Variants in PDE11A observed in about 807,000 individuals in gnomAD.
The protein encoded by PDE11A is phosphodiesterase 11A.
PDE11A carries 100 observed loss-of-function variants against 100.5 expected under a neutral mutation model. The ratio of observed to expected loss-of-function variants is 1.00; its 90% confidence interval spans 0.85 to 1.18. The LOEUF (loss-of-function observed/expected upper bound fraction) is 1.18, where lower values mean the gene tolerates loss of function less well. Ranked by LOEUF, PDE11A falls within the 50% of genes most tolerant of loss-of-function variation. The probability of loss-of-function intolerance (pLI) is 0.00; values close to 1 mark genes in which losing one functional copy is unlikely to be tolerated. For missense variants in PDE11A, 1,141 were observed against 1,152.6 expected, an observed-to-expected ratio of 0.99 and a Z score of 0.15; for synonymous variants, 381 against 420.8, an observed-to-expected ratio of 0.91 and a Z score of 1.16.
intron 2 of PDE11A, chr2:177,926,957 T>G (rs1345914817): frequency 6.6e-6 from 1 of 152,156 alleles, no homozygotes; most frequent in African/African-American, 2.4e-5. Context: ...CCTGCTGAGA[T>G]CTCCTCTTCT....
chr2:178,104,528 T>C lies in PDE11A; in HGVS notation c.-13-52A>G. On this transcript the variant is annotated intron_variant, in intron 1 of 20. Transcript: ENST00000358450. ...CCAAAAAAATATATATATTAGATTTTCAAAGCCGGGGAGAAAAAAGAATTC... is the reference window on the plus strand; with the variant it reads ...CCAAAAAAATATATATATTAGATTTCCAAAGCCGGGGAGAAAAAAGAATTC... 27 of 1,478,646 alleles carry C rather than the reference T, an allele frequency of 1.8e-5. No individual in the cohort carries two copies. The South Asian group carries it at 3.0e-4, about 16-fold the overall frequency. The allele number at this position is 1,478,646 out of a possible 1,614,324, so 91.6% of individuals were successfully genotyped here.
intron 13 of PDE11A, chr2:177,702,885 T>C (rs564393868): frequency 7.9e-5 from 12 of 152,220 alleles, no homozygotes; most frequent in Non-Finnish European, 1.6e-4. Context: ...TAATTTATAT[T>C]ATTTAATAAG....
At chr2:177,768,178 G>A (rs998337440) in intron 10 of PDE11A, among the ~76,000 whole-genome samples, 2 of 152,004 alleles carry the variant, frequency 1.3e-5, no homozygotes, top group African/African-American at 4.8e-5. Context: ...TCAGTGTTTG[G>A]AACAAACATC....
In PDE11A at chr2:177,728,128, A is replaced by T. The variant is rs376380066; in HGVS notation, c.1833T>A (p.Ile611=). The part of the protein sequence containing the change: ...PLVSELAIDD[I]HFDDFSLDVD... ...CGTCGAGAGAAAAGTCATCAAAATGAATGTCATCGATGGCAAGTTCTGACA... is the reference window on the plus strand; with the variant it reads ...CGTCGAGAGAAAAGTCATCAAAATGTATGTCATCGATGGCAAGTTCTGACA... Residue 611 remains isoleucine, a synonymous_variant, in exon 11 of 20, where the codon ATT becomes ATA. Transcript: ENST00000286063. The T allele has an allele frequency of 6.2e-7, 1 of 1,612,774 alleles. No homozygotes were observed. Among genetic ancestry groups the T allele is most frequent in the Non-Finnish European group, 8.5e-7 (1 of 1,179,056 alleles).
At chr2:177,768,737 T>C (rs768845697) in intron 10 of PDE11A, among the ~76,000 whole-genome samples, 4 of 152,216 alleles carry the variant, frequency 2.6e-5, no homozygotes, top group Non-Finnish European at 4.4e-5. Flanking sequence ...TAGTGAAGCA[T>C]GGTGGTTAAG....
intron 4 of PDE11A, among the ~76,000 whole-genome samples, chr2:177,896,012 C>T (rs1222965053): frequency 2.0e-5 from 3 of 151,938 alleles, no homozygotes; most frequent in South Asian, 2.1e-4. Context: ...TTGGTTTTTC[C>T]ATCAATATCA....
At chr2:177,720,059 G>T (rs2081503164) in intron 12 of PDE11A, among the ~76,000 whole-genome samples, 1 of 151,988 alleles carries the variant, frequency 6.6e-6, no homozygotes, top group Admixed American at 6.6e-5. Flanking sequence ...GATCACGGTG[G>T]TCAGAGAATT....
At chr2:178,090,686 A>G (rs1181686838) in intron 2 of PDE11A, among the ~76,000 whole-genome samples, 3 of 152,232 alleles carry the variant, frequency 2.0e-5, no homozygotes, top group African/African-American at 4.8e-5. Flanking sequence ...CCTCATGCCA[A>G]TTAGGATAGG....
chr2:178,085,954 T>G (rs1027901756), intron 2 of PDE11A, among the ~76,000 whole-genome samples: 2 of 152,232 alleles, frequency 1.3e-5, no homozygotes, highest in Admixed American at 1.3e-4. Context: ...ACCACTATCC[T>G]AGGTTTTTAA....
chr2:178,020,539 G>A (rs1574346481), intron 1 of PDE11A, among the ~76,000 whole-genome samples: 1 of 152,102 alleles, frequency 6.6e-6, no homozygotes, highest in African/African-American at 2.4e-5. Flanking sequence ...TGCCTGTAAT[G>A]CCAGCACTTT....
At chr2:178,027,172 T>C (rs547846519) in intron 1 of PDE11A, among the ~76,000 whole-genome samples, 20 of 152,276 alleles carry the variant, frequency 1.3e-4, no homozygotes, top group African/African-American at 4.8e-4. Flanking sequence ...TTATGCTCTT[T>C]AATAATTTCA....
At chr2:178,068,520 TA>T (rs551000937) in intron 1 of PDE11A, among the ~76,000 whole-genome samples, 197 of 147,354 alleles carry the variant, frequency 1.3e-3, no homozygotes, top group Middle Eastern at 7.0e-3. Context: ...TTCTGTGTGA[TA>T]AAAAAAAAAC....
intron 10 of PDE11A, among the ~76,000 whole-genome samples, chr2:177,735,623 A>G (rs2081768183): frequency 6.6e-6 from 1 of 152,194 alleles, no homozygotes; most frequent in Non-Finnish European, 1.5e-5. Flanking sequence ...AGGCACAGAC[A>G]GGGCCCCATT....
chr2:177,634,390 C>CTT (rs776055378), intron 19 of PDE11A, among the ~76,000 whole-genome samples: 12 of 146,386 alleles, frequency 8.2e-5, no homozygotes, highest in Admixed American at 4.1e-4. Context: ...TTCTCTCTCT[C>CTT]TTTTTTTTTT....
At chr2:178,025,903 C>T (rs548784946) in intron 1 of PDE11A, among the ~76,000 whole-genome samples, 2 of 152,204 alleles carry the variant, frequency 1.3e-5, no homozygotes, top group South Asian at 2.1e-4. Flanking sequence ...TAAGGTAAAA[C>T]CAGGAAGGCC....
At chr2:178,026,466 G>T (rs2086479392) in intron 1 of PDE11A, among the ~76,000 whole-genome samples, 1 of 152,024 alleles carries the variant, frequency 6.6e-6, no homozygotes, top group Admixed American at 6.6e-5. Flanking sequence ...GTCAAGACCA[G>T]CCTGGCCAAC....
At chr2:177,862,834 C>G (rs767365562) in intron 5 of PDE11A, among the ~76,000 whole-genome samples, 1 of 151,832 alleles carries the variant, frequency 6.6e-6, no homozygotes, top group Non-Finnish European at 1.5e-5. Flanking sequence ...AAAAACCATC[C>G]TAATATTTGT....
At chr2:177,899,328 AC>A (rs2084663396) in intron 3 of PDE11A, among the ~76,000 whole-genome samples, 1 of 152,038 alleles carries the variant, frequency 6.6e-6, no homozygotes, top group Non-Finnish European at 1.5e-5. Context: ...AATTGCTTGA[AC>A]CCAGGGAGCA....
chr2:177,818,925 A>G (rs868693673), intron 7 of PDE11A, among the ~76,000 whole-genome samples: 18 of 150,618 alleles, frequency 1.2e-4, no homozygotes, highest in Non-Finnish European at 1.9e-4. Flanking sequence ...ACTTCCCACC[A>G]GGGAGGTAAG....
Sources: allele counts gnomAD v4.1 joint callset (sites outside exome capture counted in the v4.1 genomes callset), GRCh38; gene constraint gnomAD v4.1.1; transcripts MANE v1.5; gene names NCBI Gene and HGNC (gene_info 2026-07-23, HGNC 2026-07-21).